Variants in RUFY4 observed in about 807,000 individuals in gnomAD.
RUFY4 encodes RUN and FYVE domain-containing protein 4.
In RUFY4, 73 loss-of-function variants were observed where a neutral mutation model predicts 69.0. The observed-to-expected ratio is 1.06, with a 90% CI of 0.88 to 1.29. RUFY4 has a LOEUF of 1.29. Among genes scored for constraint, RUFY4 ranks in the 50% most tolerant of loss-of-function variants. The pLI, the probability that RUFY4 is intolerant of heterozygous loss-of-function variation, is 0.00. For synonymous variants in RUFY4, 287 were observed against 271.8 expected (o/e 1.06, Z -0.55); for missense variants, 770 against 705.6 (o/e 1.09, Z -1.03).
chr2:218,067,933 G>A (rs1290792049), upstream of RUFY4, among the ~76,000 whole-genome samples: 6 of 152,158 alleles, frequency 3.9e-5, no homozygotes, highest in Admixed American at 3.9e-4. Context: ...CCACCAACAG[G>A]GAGTCCTGAG....
At chr2:218,066,177 C>CTTTTTTTTTTT (rs58665951), upstream of RUFY4, among the ~76,000 whole-genome samples, 17 of 74,446 alleles carry the variant, frequency 2.3e-4, no homozygotes, top group South Asian at 5.0e-4. Flanking sequence ...CTTTTCTTTT[C>CTTTTTTTTTTT]TTTTTTTTTT....
chr2:218,053,744 C>T (rs1197598058), intron 2 of RUFY4, among the ~76,000 whole-genome samples: 3 of 151,666 alleles, frequency 2.0e-5, no homozygotes, highest in Non-Finnish European at 2.9e-5. Flanking sequence ...GTGATCCGCC[C>T]GCCTCGGCCT....
At chr2:218,053,593 T>G (rs1688991997) in intron 2 of RUFY4, among the ~76,000 whole-genome samples, 1 of 152,128 alleles carries the variant, frequency 6.6e-6, no homozygotes. Flanking sequence ...CACTGCAAGC[T>G]CCGCCTCCCG....
chr2:218,045,871 C>T (rs1047208788), intron 2 of RUFY4, among the ~76,000 whole-genome samples: 2 of 151,302 alleles, frequency 1.3e-5, no homozygotes, highest in Non-Finnish European at 2.9e-5. Context: ...GTGGCGCAAT[C>T]TCGGCTCACT....
intron 9 of RUFY4, among the ~76,000 whole-genome samples, chr2:218,087,541 A>T (rs991591836): frequency 1.3e-5 from 2 of 152,322 alleles, no homozygotes; most frequent in South Asian, 2.1e-4. Flanking sequence ...AAAAATTACA[A>T]TGGTAGGCTA....
chr2:218,060,665 T>C (rs1381942411), intron 3 of RUFY4: 1 of 1,337,564 alleles, frequency 7.5e-7, no homozygotes, highest in Non-Finnish European at 1.1e-6. Flanking sequence ...ACAGCAAAGA[T>C]GACCCACATG....
intron 2 of RUFY4, among the ~76,000 whole-genome samples, chr2:218,057,365 T>C (rs1051237095): frequency 4.6e-5 from 7 of 152,226 alleles, no homozygotes; most frequent in African/African-American, 1.7e-4. Flanking sequence ...TAGACATTTA[T>C]CTGAACCTTT....
chr2:218,083,448 G>T (rs749646899), intron 9 of RUFY4, among the ~76,000 whole-genome samples, 192 bp downstream of exon 11: 8 of 152,068 alleles, frequency 5.3e-5, no homozygotes, highest in Non-Finnish European at 1.2e-4. Flanking sequence ...GAAACTGAGG[G>T]TCAGAAATAA....
chr2:218,049,086 G>C (rs1303300791), intron 2 of RUFY4, among the ~76,000 whole-genome samples: 1 of 152,136 alleles, frequency 6.6e-6, no homozygotes, highest in African/African-American at 2.4e-5. Context: ...TGGCTGTACT[G>C]GCTGGGGCAC....
Position 218,052,635 on chromosome 2 carries a change from C to T in RUFY4, c.-1157-5960C>T, listed in dbSNP as rs1234115314. Among the ~76,000 whole-genome samples the T allele has an allele frequency of 3.3e-5, 5 of 151,976 alleles. No individual in the cohort carries two copies. The East Asian group carries it at 7.7e-4, about 23-fold the overall frequency. On this transcript the variant is annotated intron_variant and NMD_transcript_variant, in intron 2 of 13. Transcript: ENST00000457754. ...TTCTTGCCAGACACAGTATTGAGCACCTGTAGTTCCAGCTACTCAGGAGGC... is the reference window on the plus strand; with the variant it reads ...TTCTTGCCAGACACAGTATTGAGCATCTGTAGTTCCAGCTACTCAGGAGGC...
intron 2 of RUFY4, among the ~76,000 whole-genome samples, chr2:218,044,234 C>T (rs1040293712): frequency 2.0e-5 from 3 of 152,220 alleles, no homozygotes; most frequent in Admixed American, 2.0e-4. Flanking sequence ...TGCACCTCCT[C>T]ACTGCAGCCA....
exon 7 of RUFY4, chr2:218,075,117 G>A (rs766280204): frequency 2.6e-6 from 4 of 1,541,862 alleles, no homozygotes; most frequent in South Asian, 2.4e-5. Context: ...TGGAGGGCCT[G>A]AAAATGTCCA....
intron 2 of RUFY4, among the ~76,000 whole-genome samples, chr2:218,041,886 A>G (rs1688705414): frequency 6.6e-6 from 1 of 152,202 alleles, no homozygotes; most frequent in Admixed American, 6.5e-5. Context: ...CCTTTCAGCA[A>G]GCTAAGAGTA....
chr2:218,060,073 AG>A, intron 3 of RUFY4: 164 of 275,102 alleles, frequency 6.0e-4, no homozygotes, highest in South Asian at 3.7e-3. Flanking sequence ...TTCACTTCTT[AG>A]AACATAGAGT....
upstream of RUFY4, among the ~76,000 whole-genome samples, chr2:218,066,177 C>CTTT (rs58665951): frequency 3.3e-3 from 246 of 74,110 alleles, 1 homozygote; most frequent in South Asian, 5.1e-3. Context: ...CTTTTCTTTT[C>CTTT]TTTTTTTTTT....
At chr2:218,078,476 G>A (rs980236141) in intron 8 of RUFY4, among the ~76,000 whole-genome samples, 1 of 152,166 alleles carries the variant, frequency 6.6e-6, no homozygotes, top group African/African-American at 2.4e-5. Flanking sequence ...GAGGGAGGGA[G>A]AGGATGTGGG....
chr2:218,055,255 C>T (rs1217673771), intron 2 of RUFY4, among the ~76,000 whole-genome samples: 3 of 152,036 alleles, frequency 2.0e-5, no homozygotes, highest in South Asian at 2.1e-4. Context: ...ATTAGCCAGG[C>T]GTCATGGCAG....
At chr2:218,085,890 G>C (rs1348499892) in intron 9 of RUFY4, among the ~76,000 whole-genome samples, 1 of 152,140 alleles carries the variant, frequency 6.6e-6, no homozygotes, top group Admixed American at 6.6e-5. Flanking sequence ...ACTATTCGGA[G>C]TTCTAAACAG....
At chr2:218,035,007 C>G (rs1421214824) in exon 1 of RUFY4, 1 of 152,466 alleles carries the variant, frequency 6.6e-6, no homozygotes, top group African/African-American at 2.4e-5. Flanking sequence ...GATCAGCCCC[C>G]ATTTGGCCAA....
Sources: allele counts gnomAD v4.1 joint callset (sites outside exome capture counted in the v4.1 genomes callset), GRCh38; gene constraint gnomAD v4.1.1; transcripts MANE v1.5; gene names NCBI Gene and HGNC (gene_info 2026-07-23, HGNC 2026-07-21).